The following YIPF4 variants were observed in gnomAD, a reference collection of about 807,000 sequenced individuals.
The protein encoded by YIPF4 is protein YIPF4.
Under a neutral mutation model 29.4 loss-of-function variants are expected in YIPF4, and 18 were observed. That is an observed-to-expected ratio of 0.61 (90% CI 0.42 to 0.91). The LOEUF (loss-of-function observed/expected upper bound fraction) is 0.91. Among genes scored for constraint, YIPF4 ranks in the 40% least tolerant of loss-of-function variants. The probability of loss-of-function intolerance (pLI) is 0.00; values close to 1 mark genes in which losing one functional copy is unlikely to be tolerated. For missense variants in YIPF4, 279 were observed against 282.7 expected (o/e 0.99, Z 0.09); for synonymous variants, 115 against 104.7 (o/e 1.10, Z -0.60).
intron 1 of YIPF4, among the ~76,000 whole-genome samples, chr2:32,281,403 G>A (rs2030407869): frequency 6.6e-6 from 1 of 151,932 alleles, no homozygotes; most frequent in African/African-American, 2.4e-5. Flanking sequence ...CACCATGCCT[G>A]GTTAATTTTT....
rs763659686 is a variant in YIPF4 at position 32,306,271 on chromosome 2, T to C, written c.*645T>C. On this transcript the variant is annotated 3_prime_UTR_variant, in exon 6 of 6. Transcript: ENST00000238831. ...ATTCTTAATAACTACTAAAACTGATTTTTAATAGTTGCTGATATATATTTG... is the reference window on the plus strand; with the variant it reads ...ATTCTTAATAACTACTAAAACTGATCTTTAATAGTTGCTGATATATATTTG... 97 of 975,330 alleles carry C rather than the reference T, an allele frequency of 9.9e-5. No homozygotes were observed. Among genetic ancestry groups the C allele is most frequent in the Non-Finnish European group, 1.2e-4 (96 of 820,460 alleles). The allele number at this position is 975,330 out of a possible 1,614,324, so 60.4% of individuals were successfully genotyped here. A position where few individuals can be genotyped will look rare whatever the true frequency, so the allele number is the denominator to read the frequency against.
chr2:32,279,467 G>A (rs562165250), intron 1 of YIPF4, among the ~76,000 whole-genome samples: 4 of 129,020 alleles, frequency 3.1e-5, no homozygotes, highest in Non-Finnish European at 6.2e-5. Flanking sequence ...ATGCCATCTC[G>A]GCTCACTGCG....
intron 5 of YIPF4, among the ~76,000 whole-genome samples, chr2:32,304,826 T>G (rs916980363): frequency 1.3e-5 from 2 of 152,200 alleles, no homozygotes; most frequent in African/African-American, 4.8e-5. Flanking sequence ...TGCATAAGTT[T>G]CCAGTAGAAA....
At chr2:32,279,603 G>A (rs1267490720) in intron 1 of YIPF4, among the ~76,000 whole-genome samples, 3 of 146,858 alleles carry the variant, frequency 2.0e-5, no homozygotes, top group African/African-American at 7.6e-5. Context: ...TAGAGACGGG[G>A]TTTCATAGTG....
chr2:32,284,464 G>A (rs2030566736), intron 1 of YIPF4, among the ~76,000 whole-genome samples: 1 of 152,126 alleles, frequency 6.6e-6, no homozygotes, highest in South Asian at 2.1e-4. Flanking sequence ...TGCTGTTCTT[G>A]TCATAGTGAG....
At position 32,315,545 on chromosome 2, in the gene YIPF4, C is replaced by G. The variant is rs552899492; in HGVS notation, c.*9919C>G. 9 of 151,950 alleles carry G rather than the reference C, an allele frequency of 5.9e-5. No homozygotes were observed. Among genetic ancestry groups the G allele is most frequent in the Non-Finnish European group, 1.2e-4 (8 of 68,062 alleles). The allele number at this position is 151,950 out of a possible 1,614,324, so 9.4% of individuals were successfully genotyped here. A position where few individuals can be genotyped will look rare whatever the true frequency, so the allele number is the denominator to read the frequency against. ...CGGGCGGATCCTGAGGTCAGGAGAT[C>G]GAGACCATCCTGGTTAACGTGGTGA... On this transcript the variant is annotated 3_prime_UTR_variant, in exon 6 of 6. Coordinates refer to ENST00000238831, the MANE Select transcript of YIPF4 (RefSeq NM_032312.4).
intron 1 of YIPF4, among the ~76,000 whole-genome samples, chr2:32,281,551 C>A (rs2030415065): frequency 6.6e-6 from 1 of 152,052 alleles, no homozygotes; most frequent in African/African-American, 2.4e-5. Flanking sequence ...CTCATTTGTT[C>A]TTTATAAGAC....
intron 4 of YIPF4, among the ~76,000 whole-genome samples, chr2:32,300,248 A>G (rs975477842): frequency 6.6e-6 from 1 of 151,886 alleles, no homozygotes; most frequent in Non-Finnish European, 1.5e-5. Flanking sequence ...CCTGGGCAAC[A>G]AGAGCGAAAC....
intron 3 of YIPF4, among the ~76,000 whole-genome samples, chr2:32,297,601 C>T (rs1427159084): frequency 1.3e-5 from 2 of 152,000 alleles, no homozygotes; most frequent in Non-Finnish European, 2.9e-5. Flanking sequence ...GACCTGGTCT[C>T]TATTAAATAA....
intron 3 of YIPF4, among the ~76,000 whole-genome samples, chr2:32,296,614 C>T (rs1042167474): frequency 6.6e-6 from 1 of 152,122 alleles, no homozygotes; most frequent in Non-Finnish European, 1.5e-5. Context: ...TGACATTGTC[C>T]TGCTCTCTGT....
Position 32,292,714 on chromosome 2 carries a change from A to T in YIPF4, c.405+366A>T, listed in dbSNP as rs988717031. Among the ~76,000 whole-genome samples the T allele has an allele frequency of 3.6e-4, 54 of 151,816 alleles. 1 individual carries two copies. The highest frequency in any genetic ancestry group is 1.3e-3 in the African/African-American group (52 of 41,286). ...CTGTCTCTACTAAAACTACAAAAAAAGTATCTGGGTGTGGTGGTGCACGCC... is the reference window on the plus strand; with the variant it reads ...CTGTCTCTACTAAAACTACAAAAAATGTATCTGGGTGTGGTGGTGCACGCC... On this transcript the variant is annotated intron_variant, in intron 3 of 5. Transcript: ENST00000238831.
chr2:32,300,080 A>C (rs1336079133), intron 4 of YIPF4, among the ~76,000 whole-genome samples: 1 of 152,116 alleles, frequency 6.6e-6, no homozygotes, highest in Non-Finnish European at 1.5e-5. Flanking sequence ...CAGCCTGTCC[A>C]ACATGGAGAA....
intron 2 of YIPF4, 150 bp downstream of exon 2, chr2:32,290,786 A>C (rs1372476843): frequency 2.5e-6 from 1 of 404,724 alleles, no homozygotes; most frequent in African/African-American, 2.2e-5. Flanking sequence ...AAAAAACTGA[A>C]ATAATAATGA....
intron 1 of YIPF4, among the ~76,000 whole-genome samples, chr2:32,288,019 C>T (rs571912317): frequency 2.3e-4 from 35 of 152,310 alleles, no homozygotes; most frequent in Admixed American, 9.2e-4. Flanking sequence ...TAAATTAAAT[C>T]AGCCATGCTC....
At chr2:32,289,529 T>C (rs1325549366) in intron 1 of YIPF4, among the ~76,000 whole-genome samples, 1 of 152,220 alleles carries the variant, frequency 6.6e-6, no homozygotes, top group Non-Finnish European at 1.5e-5. Flanking sequence ...GAAATAATAC[T>C]ATAATCATGT....
Position 32,316,582 on chromosome 2 carries a change from G to A in YIPF4, c.*10956G>A, listed in dbSNP as rs1001445933. 14 of 152,108 alleles carry A rather than the reference G, an allele frequency of 9.2e-5. No individual in the cohort carries two copies. Among genetic ancestry groups the A allele is most frequent in the African/African-American group, 3.4e-4 (14 of 41,420 alleles). The allele number at this position is 152,108 out of a possible 1,614,324, so 9.4% of individuals were successfully genotyped here. A position where few individuals can be genotyped will look rare whatever the true frequency, so the allele number is the denominator to read the frequency against. ...AGTACAACACTAAAATTAATAAATTGTGTAAATTCTAATATGGATTAATTT... is the reference window on the plus strand; with the variant it reads ...AGTACAACACTAAAATTAATAAATTATGTAAATTCTAATATGGATTAATTT... On this transcript the variant is annotated 3_prime_UTR_variant, in exon 6 of 6. Coordinates refer to ENST00000238831, the MANE Select transcript of YIPF4 (RefSeq NM_032312.4).
chr2:32,279,962 TCA>T (rs1352627944), intron 1 of YIPF4, among the ~76,000 whole-genome samples: 9 of 149,610 alleles, frequency 6.0e-5, no homozygotes, highest in Admixed American at 1.3e-4. Context: ...AGTGGTTTGA[TCA>T]TAGCTTACTA....
At chr2:32,282,536 G>A (rs755795524) in intron 1 of YIPF4, among the ~76,000 whole-genome samples, 2 of 152,054 alleles carry the variant, frequency 1.3e-5, no homozygotes, top group African/African-American at 4.8e-5. Flanking sequence ...GGGTTCAAGC[G>A]ATTCTTCTGC....
rs561418781 is a variant in YIPF4 at position 32,298,464 on chromosome 2, C to G, written c.483+153C>G. Among the ~76,000 whole-genome samples, 10 of 152,120 alleles carry G rather than the reference C, an allele frequency of 6.6e-5. No individual in the cohort carries two copies. The East Asian group carries it at 1.5e-3, about 23-fold the overall frequency. Reference sequence around the variant, plus strand: ...AGATGATCAACATATTAGTATTGTGCTTACTCAATAAATAGTACAAGAAAT... The same window carrying G: ...AGATGATCAACATATTAGTATTGTGGTTACTCAATAAATAGTACAAGAAAT... On this transcript the variant is annotated intron_variant, in intron 4 of 5. Transcript: ENST00000238831.
Sources: gnomAD v4.1 joint callset for allele counts (sites outside exome capture counted in the v4.1 genomes callset) on GRCh38, gnomAD v4.1.1 for gene constraint, MANE v1.5 for transcripts, NCBI Gene and HGNC (gene_info 2026-07-23, HGNC 2026-07-21) for gene names.